Variants in GABRB2 observed in about 807,000 individuals in gnomAD.
GABRB2 encodes the protein gamma-aminobutyric acid type A receptor subunit beta2.
A neutral mutation model predicts 54.7 loss-of-function variants in GABRB2; 16 were observed. The observed-to-expected ratio is 0.29, with a 90% confidence interval of 0.20 to 0.44. The LOEUF is 0.44. Ranked by LOEUF, GABRB2 falls within the 20% of genes least tolerant of loss-of-function variation. GABRB2 has a pLI of 1.00. For missense variants in GABRB2, 355 were observed against 644.0 expected (o/e 0.55, Z 4.86); for synonymous variants, 244 against 233.8 (o/e 1.04, Z -0.40).
chr5:161,300,913 A>G (rs1369711877), intron 9 of GABRB2, among the ~76,000 whole-genome samples: 2 of 152,214 alleles, frequency 1.3e-5, no homozygotes, highest in African/African-American at 4.8e-5. Context: ...CAGCTTTCAT[A>G]GACAGAGAAC....
chr5:161,349,297 A>C (rs1215694101), intron 5 of GABRB2, among the ~76,000 whole-genome samples: 1 of 152,056 alleles, frequency 6.6e-6, no homozygotes, highest in Non-Finnish European at 1.5e-5. Context: ...AGAGATATTA[A>C]ATGATTATTA....
chr5:161,329,327 T>C (rs956390482), intron 8 of GABRB2: 2 of 152,142 alleles, frequency 1.3e-5, no homozygotes, highest in African/African-American at 4.8e-5. Context: ...AAATACTCTT[T>C]CATTTGACAG....
chr5:161,480,864 T>A (rs2113325940), intron 3 of GABRB2, among the ~76,000 whole-genome samples: 1 of 152,098 alleles, frequency 6.6e-6, no homozygotes, highest in Middle Eastern at 3.4e-3. Flanking sequence ...TGAGGGTGAA[T>A]GTGGCAATGC....
intron 5 of GABRB2, among the ~76,000 whole-genome samples, chr5:161,362,860 T>C (rs1459150404): frequency 6.6e-6 from 1 of 152,110 alleles, no homozygotes; most frequent in Non-Finnish European, 1.5e-5. Flanking sequence ...ATGGCCATCA[T>C]TAATAAGTCA....
At chr5:161,468,820 T>G (rs2113291319) in intron 3 of GABRB2, among the ~76,000 whole-genome samples, 1 of 151,868 alleles carries the variant, frequency 6.6e-6, no homozygotes, top group Middle Eastern at 3.4e-3. Context: ...CCCAAAAAAC[T>G]TACTGTTATA....
At chr5:161,386,132 A>G (rs550650447) in intron 5 of GABRB2, among the ~76,000 whole-genome samples, 1 of 152,170 alleles carries the variant, frequency 6.6e-6, no homozygotes, top group South Asian at 2.1e-4. Context: ...CATCATTTTC[A>G]CCCATTTGAG....
Position 161,334,962 on chromosome 5 carries a change from C to A in GABRB2, c.680-58G>T, listed in dbSNP as rs1753949864. ...CAATCAATATTTATAGGATACTTTT[C>A]TTTAAAGGTGCATAAACAGTACCTC... On this transcript the variant is annotated intron_variant, in intron 6 of 9. Coordinates refer to ENST00000393959, the MANE Select transcript of GABRB2 (RefSeq NM_001371727.1). 5.2e-6 allele frequency: 8 copies of A among 1,546,194 alleles called. No homozygotes were observed. The East Asian group carries it at 9.0e-5, about 17-fold the overall frequency.
upstream of GABRB2, chr5:161,546,846 AT>A: frequency 9.0e-7 from 1 of 1,114,710 alleles, no homozygotes; most frequent in Non-Finnish European, 1.2e-6. Flanking sequence ...AAAAACATGT[AT>A]ATGTATAATA....
chr5:161,462,124 C>A (rs1324083986), intron 3 of GABRB2, among the ~76,000 whole-genome samples: 1 of 152,154 alleles, frequency 6.6e-6, no homozygotes, highest in Non-Finnish European at 1.5e-5. Context: ...TCCAATTTTA[C>A]AATCAAACTT....
intron 5 of GABRB2, among the ~76,000 whole-genome samples, chr5:161,389,346 C>A (rs1262987231): frequency 1.3e-5 from 2 of 151,932 alleles, no homozygotes; most frequent in Non-Finnish European, 2.9e-5. Context: ...ACATATTCCC[C>A]AAATTATTTC....
At chr5:161,478,290 T>C (rs1758655063) in intron 3 of GABRB2, among the ~76,000 whole-genome samples, 1 of 151,968 alleles carries the variant, frequency 6.6e-6, no homozygotes, top group Admixed American at 6.6e-5. Context: ...ATAACACCAT[T>C]AAGTTATTTT....
intron 3 of GABRB2, among the ~76,000 whole-genome samples, chr5:161,464,861 A>G (rs1758230092): frequency 6.6e-6 from 1 of 152,066 alleles, no homozygotes; most frequent in Non-Finnish European, 1.5e-5. Flanking sequence ...GAGATGAAGA[A>G]CAGATGAACG....
At chr5:161,310,669 GCA>G (rs1757835893) in intron 9 of GABRB2, among the ~76,000 whole-genome samples, 5 of 125,612 alleles carry the variant, frequency 4.0e-5, no homozygotes, top group African/African-American at 1.2e-4. Flanking sequence ...ACACGCACGC[GCA>G]CGCGCGCACA....
At chr5:161,437,615 C>T (rs1045845580) in intron 4 of GABRB2, among the ~76,000 whole-genome samples, 3 of 151,988 alleles carry the variant, frequency 2.0e-5, no homozygotes, top group Admixed American at 1.3e-4. Flanking sequence ...TATTCCAGGA[C>T]CTGACACTTG....
At chr5:161,355,270 G>A (rs1580910569) in intron 5 of GABRB2, among the ~76,000 whole-genome samples, 2 of 148,720 alleles carry the variant, frequency 1.3e-5, no homozygotes, top group African/African-American at 2.5e-5. Flanking sequence ...TTTGTTCACT[G>A]TGACATATAT....
chr5:161,489,610 A>G (rs1039644883), intron 3 of GABRB2, among the ~76,000 whole-genome samples: 1 of 151,626 alleles, frequency 6.6e-6, no homozygotes, highest in South Asian at 2.1e-4. Flanking sequence ...GACAGGCTAC[A>G]TTGATAAAGG....
intron 4 of GABRB2, among the ~76,000 whole-genome samples, chr5:161,435,113 A>G (rs1385135125): frequency 2.0e-5 from 3 of 152,358 alleles, no homozygotes; most frequent in Non-Finnish European, 2.9e-5. Context: ...CTTCTTAAAA[A>G]TAGCACTTTA....
intron 5 of GABRB2, among the ~76,000 whole-genome samples, chr5:161,346,653 T>C (rs1237555813): frequency 3.3e-5 from 5 of 152,118 alleles, no homozygotes; most frequent in African/African-American, 1.2e-4. Context: ...CTCCTGAAGA[T>C]AAACTTTGGG....
chr5:161,506,495 T>A (rs1759609714), intron 3 of GABRB2, among the ~76,000 whole-genome samples: 1 of 152,160 alleles, frequency 6.6e-6, no homozygotes, highest in African/African-American at 2.4e-5. Flanking sequence ...TTACTCTAAA[T>A]AAATAGCAAA....
Sources: allele counts gnomAD v4.1 joint callset (sites outside exome capture counted in the v4.1 genomes callset), GRCh38; gene constraint gnomAD v4.1.1; transcripts MANE v1.5; gene names NCBI Gene and HGNC (gene_info 2026-07-23, HGNC 2026-07-21).